NRXN3: variants seen among roughly 807,000 people sequenced by gnomAD.
NRXN3 encodes neurexin III.
Under a neutral mutation model 137.6 loss-of-function variants are expected in NRXN3, and 32 were observed. The observed-to-expected ratio is 0.23, with a 90% CI of 0.18 to 0.31. The LOEUF is 0.31. Among genes scored for constraint, NRXN3 ranks in the 10% least tolerant of loss-of-function variants. The probability of loss-of-function intolerance (pLI) is 1.00; values close to 1 mark genes in which losing one functional copy is unlikely to be tolerated. For synonymous variants in NRXN3, 798 were observed against 784.5 expected (o/e 1.02, Z -0.29); for missense variants, 1,574 against 2,062.5 (o/e 0.76, Z 4.59).
At chr14:79,682,013 G>A (rs2154014143) in intron 17 of NRXN3, among the ~76,000 whole-genome samples, 1 of 151,860 alleles carries the variant, frequency 6.6e-6, no homozygotes, top group East Asian at 1.9e-4. Context: ...AAGTCAAATT[G>A]ATTTTTTAAA....
At chr14:79,442,504 C>T (rs547894202) in intron 15 of NRXN3, among the ~76,000 whole-genome samples, 2 of 152,254 alleles carry the variant, frequency 1.3e-5, no homozygotes, top group South Asian at 4.1e-4. Flanking sequence ...AAAACAAAAA[C>T]TTTTGCTATA....
chr14:78,849,116 A>G (rs1488486313), intron 10 of NRXN3, among the ~76,000 whole-genome samples: 1 of 152,134 alleles, frequency 6.6e-6, no homozygotes, highest in African/African-American at 2.4e-5. Context: ...TTATGAAGCT[A>G]GAGACAGTAT....
intron 16 of NRXN3, among the ~76,000 whole-genome samples, chr14:79,520,612 C>T (rs2097054679): frequency 6.6e-6 from 1 of 152,208 alleles, no homozygotes; most frequent in African/African-American, 2.4e-5. Flanking sequence ...CTGCAAAGGA[C>T]ATGAACTCAT....
At chr14:79,715,981 C>T (rs1026231928) in intron 19 of NRXN3, among the ~76,000 whole-genome samples, 2 of 152,196 alleles carry the variant, frequency 1.3e-5, no homozygotes, top group African/African-American at 2.4e-5. Context: ...ATACCATATT[C>T]GACCAAGTAA....
chr14:78,462,727 A>G (rs964647108), intron 4 of NRXN3, among the ~76,000 whole-genome samples: 1 of 152,188 alleles, frequency 6.6e-6, no homozygotes, highest in Non-Finnish European at 1.5e-5. Flanking sequence ...ATATAATTCT[A>G]TTTGGTATGG....
intron 15 of NRXN3, among the ~76,000 whole-genome samples, chr14:79,237,951 C>A (rs1459861134): frequency 6.6e-6 from 1 of 152,024 alleles, no homozygotes; most frequent in East Asian, 1.9e-4. Flanking sequence ...TATGATAATG[C>A]TCTGAAAATA....
At position 79,861,780 on chromosome 14, in the gene NRXN3, T is replaced by C; in HGVS notation, c.4532T>C (p.Leu1511Ser). ...GTGGCTGCTGCCGCCCTCTGCATCT[T>C]GATCCTCCTGTACGCCATGTACAAG... ...GIVAAAALCI[L>S]ILLYAMYKYR... The change falls in exon 21 of 21, where the codon TTG becomes TCG. Residue 1511 changes from leucine (L) to serine (S), a missense_variant. Physicochemically the swap from Leu to Ser is moderately radical, Grantham distance 145. Transcript: ENST00000335750. This position sits in a 1 kb window ranked among gnomAD's most constrained non-coding sequence, Gnocchi z 5.4. The C allele has an allele frequency of 6.2e-7, 1 of 1,614,064 alleles. No individual in the cohort carries two copies. Among genetic ancestry groups the C allele is most frequent in the Non-Finnish European group, 8.5e-7 (1 of 1,180,026 alleles).
At chr14:78,821,604 A>G (rs2098950958) in intron 10 of NRXN3, among the ~76,000 whole-genome samples, 1 of 152,136 alleles carries the variant, frequency 6.6e-6, no homozygotes, top group South Asian at 2.1e-4. Flanking sequence ...TTCACAATGG[A>G]GCAACACACA....
At chr14:78,921,889 G>A (rs2099271823) in intron 10 of NRXN3, among the ~76,000 whole-genome samples, 1 of 152,098 alleles carries the variant, frequency 6.6e-6, no homozygotes, top group Non-Finnish European at 1.5e-5. Flanking sequence ...TGAGTTTCTT[G>A]CAGAAATCTT....
chr14:79,274,786 T>A (rs1022554164), intron 15 of NRXN3, among the ~76,000 whole-genome samples: 1 of 152,310 alleles, frequency 6.6e-6, no homozygotes, highest in East Asian at 1.9e-4. Context: ...CTCAAGAGAT[T>A]AAAAATATTT....
At chr14:78,330,480 A>C (rs1421878107) in intron 4 of NRXN3, among the ~76,000 whole-genome samples, 1 of 152,142 alleles carries the variant, frequency 6.6e-6, no homozygotes, top group Non-Finnish European at 1.5e-5. Context: ...GCCTTTCCCA[A>C]ACAAATTTAA....
At chr14:78,882,941 A>C (rs535752981) in intron 10 of NRXN3, among the ~76,000 whole-genome samples, 1 of 148,312 alleles carries the variant, frequency 6.7e-6, no homozygotes, top group African/African-American at 2.6e-5. Flanking sequence ...GAATCATGGG[A>C]GTGGTTACCC....
intron 15 of NRXN3, among the ~76,000 whole-genome samples, chr14:79,384,253 A>T (rs1486469350): frequency 4.6e-5 from 7 of 152,062 alleles, no homozygotes; most frequent in South Asian, 2.1e-4. Context: ...TTGGAGAGGG[A>T]GGTGGGGGAA....
At chr14:78,852,247 A>G (rs1243311330) in intron 10 of NRXN3, among the ~76,000 whole-genome samples, 1 of 152,198 alleles carries the variant, frequency 6.6e-6, no homozygotes, top group Non-Finnish European at 1.5e-5. Context: ...TAATATGCCA[A>G]TACCCTGACG....
chr14:78,705,711 C>T (rs1260019806), intron 6 of NRXN3, among the ~76,000 whole-genome samples: 1 of 152,178 alleles, frequency 6.6e-6, no homozygotes, highest in African/African-American at 2.4e-5. Context: ...TATCGAGGCT[C>T]TTACCTTTGG....
intron 1 of NRXN3, among the ~76,000 whole-genome samples, chr14:78,238,141 C>CG (rs2066571004): frequency 6.7e-6 from 1 of 150,112 alleles, no homozygotes; most frequent in Admixed American, 6.6e-5. Context: ...TTGTGTGAGC[C>CG]CCCCCCACCA....
intron 16 of NRXN3, among the ~76,000 whole-genome samples, chr14:79,531,680 A>C (rs2097170895): frequency 6.6e-6 from 1 of 152,174 alleles, no homozygotes; most frequent in Non-Finnish European, 1.5e-5. Context: ...ATCATCAATA[A>C]AACCACTAAG....
intron 15 of NRXN3, among the ~76,000 whole-genome samples, chr14:78,988,456 T>G (rs1371414230): frequency 6.6e-6 from 1 of 152,224 alleles, no homozygotes; most frequent in Middle Eastern, 3.2e-3. Flanking sequence ...CTTCAGTTCT[T>G]CATGAATTAA....
intron 15 of NRXN3, chr14:79,298,930 T>C (rs1299250203): frequency 6.6e-6 from 1 of 152,428 alleles, no homozygotes; most frequent in African/African-American, 2.4e-5. Flanking sequence ...GTAGTGAATA[T>C]GAGTGGCTGG....
Sources: allele counts gnomAD v4.1 joint callset (sites outside exome capture counted in the v4.1 genomes callset), GRCh38; gene constraint gnomAD v4.1.1; non-coding constraint Gnocchi (gnomAD v3.1); transcripts MANE v1.5; gene names NCBI Gene and HGNC (gene_info 2026-07-23, HGNC 2026-07-21).